KIAA1217: variants seen among roughly 807,000 people sequenced by gnomAD.
KIAA1217 encodes the protein sickle tail protein homolog.
In KIAA1217, 88 loss-of-function variants were observed where a neutral mutation model predicts 163.9. That is an observed-to-expected ratio of 0.54 (90% CI 0.45 to 0.64). KIAA1217 has a LOEUF of 0.64. Among genes scored for constraint, KIAA1217 ranks in the 30% least tolerant of loss-of-function variants. The pLI, the probability that KIAA1217 is intolerant of heterozygous loss-of-function variation, is 0.00. For synonymous variants in KIAA1217, 903 were observed against 923.1 expected (o/e 0.98, Z 0.39); for missense variants, 2,372 against 2,475.0 (o/e 0.96, Z 0.88).
intron 2 of KIAA1217, among the ~76,000 whole-genome samples, chr10:24,319,083 A>G (rs2043778996): frequency 6.6e-6 from 1 of 152,148 alleles, no homozygotes; most frequent in Non-Finnish European, 1.5e-5. Flanking sequence ...GGACAGCTGA[A>G]GAAGCGCTTT....
chr10:24,270,747 A>T (rs746617328), intron 2 of KIAA1217, among the ~76,000 whole-genome samples: 7 of 151,956 alleles, frequency 4.6e-5, no homozygotes, highest in Non-Finnish European at 8.8e-5. Context: ...GGGTTTCACC[A>T]TGTTACCCAG....
At chr10:24,361,982 C>CAAAAAAAAA (rs68117028) in intron 2 of KIAA1217, among the ~76,000 whole-genome samples, 10 of 100,566 alleles carry the variant, frequency 9.9e-5, no homozygotes, top group East Asian at 2.6e-4. Flanking sequence ...GACTCTGTCT[C>CAAAAAAAAA]AAAAAAAAAA....
chr10:24,181,245 A>C (rs368401401), intron 2 of KIAA1217, among the ~76,000 whole-genome samples: 17 of 152,342 alleles, frequency 1.1e-4, no homozygotes, highest in Middle Eastern at 6.8e-3. Flanking sequence ...AGGGGAACCT[A>C]ATCTGGCAAG....
At chr10:24,205,986 C>A (rs555106268), upstream of KIAA1217, among the ~76,000 whole-genome samples, 10 of 152,258 alleles carry the variant, frequency 6.6e-5, no homozygotes, top group Admixed American at 5.9e-4. Flanking sequence ...TGCAAAATCA[C>A]CATTTGTCTT....
chr10:23,759,549 A>T (rs1834134792), intron 1 of KIAA1217, among the ~76,000 whole-genome samples: 4 of 152,208 alleles, frequency 2.6e-5, no homozygotes, highest in Admixed American at 2.6e-4. Flanking sequence ...CAGGTTTTTC[A>T]TATATGGCTC....
intron 2 of KIAA1217, among the ~76,000 whole-genome samples, chr10:24,050,052 T>C (rs546218787): frequency 6.6e-6 from 1 of 152,248 alleles, no homozygotes; most frequent in African/African-American, 2.4e-5. Context: ...ATTTCTCTAA[T>C]GACCAGTGAT....
intron 1 of KIAA1217, among the ~76,000 whole-genome samples, chr10:23,712,875 A>G (rs543514591): frequency 6.6e-5 from 10 of 152,264 alleles, no homozygotes; most frequent in African/African-American, 2.4e-4. Context: ...TATTTTTAGA[A>G]GATTTTCATA....
At chr10:23,951,267 T>C (rs1157506517) in intron 1 of KIAA1217, among the ~76,000 whole-genome samples, 2 of 152,124 alleles carry the variant, frequency 1.3e-5, no homozygotes, top group African/African-American at 2.4e-5. Flanking sequence ...GGCTGAAGGC[T>C]AGGAGGAAGC....
chr10:24,414,817 G>A (rs1441875370), intron 3 of KIAA1217, among the ~76,000 whole-genome samples: 1 of 152,174 alleles, frequency 6.6e-6, no homozygotes, highest in Non-Finnish European at 1.5e-5. Flanking sequence ...GAGAACAGAA[G>A]TGACTCTTAA....
At chr10:24,545,514 C>T in intron 20 of KIAA1217, 1 of 1,297,078 alleles carries the variant, frequency 7.7e-7, no homozygotes. Flanking sequence ...CGTCACAATG[C>T]CCGACCCCCA....
At chr10:24,129,076 A>G (rs187121373) in intron 2 of KIAA1217, among the ~76,000 whole-genome samples, 1 of 152,288 alleles carries the variant, frequency 6.6e-6, no homozygotes, top group African/African-American at 2.4e-5. Context: ...GATGAAGTAA[A>G]TGCTGGAAGT....
In KIAA1217 at chr10:24,170,646, G is replaced by A. The variant is rs12247296; in HGVS notation, c.-170-48980G>A. On this transcript the variant is annotated intron_variant, in intron 2 of 18. Coordinates refer to the KIAA1217 transcript ENST00000376462. ...TCAAAAGACCCTCACTGCTTCTGAC[G>A]CTATATAAATAATCTCCACTACCTC... is the stretch of plus-strand genomic sequence containing the variant. 3.0e-3 allele frequency among the ~76,000 whole-genome samples: 464 copies of A among 152,272 alleles called. 1 individual carries two copies. The highest frequency in any genetic ancestry group is 0.011 in the African/African-American group (437 of 41,542).
At chr10:23,957,248 C>G (rs1028328021) in intron 1 of KIAA1217, among the ~76,000 whole-genome samples, 1 of 152,170 alleles carries the variant, frequency 6.6e-6, no homozygotes, top group Admixed American at 6.5e-5. Context: ...CCCCTTCTGG[C>G]TTCCCTGCTC....
chr10:24,437,918 A>G (rs996103990), intron 4 of KIAA1217, among the ~76,000 whole-genome samples: 2 of 149,662 alleles, frequency 1.3e-5, no homozygotes, highest in Admixed American at 6.7e-5. Flanking sequence ...AAAAAAAAAA[A>G]AAAAAAAGAA....
intron 2 of KIAA1217, among the ~76,000 whole-genome samples, chr10:24,325,330 G>A (rs911083568): frequency 1.3e-5 from 2 of 152,188 alleles, no homozygotes; most frequent in Non-Finnish European, 2.9e-5. Context: ...CTCTGCAGGC[G>A]TCAGTTCCTG....
intron 1 of KIAA1217, among the ~76,000 whole-genome samples, chr10:23,940,478 A>AAAAAAAG (rs1392276143): frequency 6.0e-5 from 9 of 150,658 alleles, no homozygotes; most frequent in South Asian, 2.1e-4. Context: ...AAAAAAAAAA[A>AAAAAAAG]AAAAAAGAAA....
rs113019857 is a variant in KIAA1217, at chr10:24,543,575, C to A, written c.4305C>A (p.Val1435=). 31 of 1,613,972 alleles carry A rather than the reference C, an allele frequency of 1.9e-5. No individual in the cohort carries two copies. The highest frequency in any genetic ancestry group is 3.4e-6 in the Non-Finnish European group (4 of 1,180,026). ...AAGGGACTGACAATGAGGATCCAGT[C>A]GTGTGCCTGGACAAGAAACCAGTGA... ...RQEGTDNEDP[V]VCLDKKPVII... is the part of the protein sequence containing the mutation. Residue 1435 remains valine, a synonymous_variant, in exon 19 of 21, where the codon GTC becomes GTA. Transcript: ENST00000376454.
chr10:23,880,239 T>C (rs191076764), intron 1 of KIAA1217, among the ~76,000 whole-genome samples: 37 of 152,012 alleles, frequency 2.4e-4, no homozygotes, highest in African/African-American at 8.9e-4. Context: ...AAATGTGGTA[T>C]GTACACACAA....
At chr10:24,503,652 T>C (rs907442892) in intron 9 of KIAA1217, among the ~76,000 whole-genome samples, 12 of 152,210 alleles carry the variant, frequency 7.9e-5, no homozygotes, top group African/African-American at 2.9e-4. Flanking sequence ...ACACAGGTTT[T>C]ATATGAATTA....
Sources: allele counts gnomAD v4.1 joint callset (sites outside exome capture counted in the v4.1 genomes callset), GRCh38; gene constraint gnomAD v4.1.1; transcripts MANE v1.5; gene names NCBI Gene and HGNC (gene_info 2026-07-23, HGNC 2026-07-21).